The following HEMK2 variants were observed in gnomAD, a reference collection of about 807,000 sequenced individuals.
HEMK2 encodes methyltransferase HEMK2.
the HEMK2 span, among the ~76,000 whole-genome samples, chr21:28,811,207 T>C: frequency 2.3e-5 from 3 of 132,354 alleles, no homozygotes; most frequent in Non-Finnish European, 4.7e-5. Context: ...TGAGATCTCA[T>C]CTCTAAAGAG....
chr21:28,864,542 G>A, the HEMK2 span, among the ~76,000 whole-genome samples: 2 of 152,114 alleles, frequency 1.3e-5, no homozygotes, highest in Non-Finnish European at 2.9e-5. Flanking sequence ...TATGATAATA[G>A]CTCCTATTTC....
the HEMK2 span, among the ~76,000 whole-genome samples, chr21:28,778,843 A>G: frequency 6.6e-6 from 1 of 152,110 alleles, no homozygotes; most frequent in Non-Finnish European, 1.5e-5. Context: ...CCTTTGCTGG[A>G]TATGTGGTTT....
At chr21:28,871,647 G>T in the HEMK2 span, among the ~76,000 whole-genome samples, 1 of 152,026 alleles carries the variant, frequency 6.6e-6, no homozygotes, top group African/African-American at 2.4e-5. Flanking sequence ...ACTGTTTGTT[G>T]TAAAACAAAC....
At chr21:28,787,656 T>G in the HEMK2 span, among the ~76,000 whole-genome samples, 2 of 152,140 alleles carry the variant, frequency 1.3e-5, no homozygotes, top group African/African-American at 4.8e-5. Flanking sequence ...AATCACAATG[T>G]GATACCACCT....
chr21:28,868,012 A>T, the HEMK2 span, among the ~76,000 whole-genome samples: 1 of 152,210 alleles, frequency 6.6e-6, no homozygotes, highest in Admixed American at 6.5e-5. Flanking sequence ...CTTTGTGTAT[A>T]ATCACTTATA....
At chr21:28,743,539 G>A in the HEMK2 span, among the ~76,000 whole-genome samples, 4 of 151,288 alleles carry the variant, frequency 2.6e-5, no homozygotes, top group East Asian at 1.9e-4. Context: ...ACAAGTCATT[G>A]GGATGCAGAA....
the HEMK2 span, among the ~76,000 whole-genome samples, chr21:28,746,712 T>C: frequency 6.7e-6 from 1 of 150,236 alleles, no homozygotes; most frequent in Admixed American, 6.6e-5. Flanking sequence ...ATGGAGAACA[T>C]TCCAGAAAGA....
At chr21:28,815,985 G>A in the HEMK2 span, among the ~76,000 whole-genome samples, 1 of 152,104 alleles carries the variant, frequency 6.6e-6, no homozygotes, top group Non-Finnish European at 1.5e-5. Context: ...TGTTAGTGTG[G>A]GCTGTAACAC....
At chr21:28,664,556 C>T in the HEMK2 span, among the ~76,000 whole-genome samples, 1 of 152,078 alleles carries the variant, frequency 6.6e-6, no homozygotes, top group African/African-American at 2.4e-5. Context: ...AGGGATAGTG[C>T]AGAGTATTGA....
At chr21:28,754,791 T>G in the HEMK2 span, among the ~76,000 whole-genome samples, 1 of 152,232 alleles carries the variant, frequency 6.6e-6, no homozygotes, top group Non-Finnish European at 1.5e-5. Context: ...TAACAGGGAC[T>G]ATAAGGTCAA....
chr21:28,720,344 A>G, the HEMK2 span, among the ~76,000 whole-genome samples: 1 of 152,250 alleles, frequency 6.6e-6, no homozygotes, highest in African/African-American at 2.4e-5. Flanking sequence ...ACTTTATAGA[A>G]GACAATTACT....
At chr21:28,775,545 A>G in the HEMK2 span, among the ~76,000 whole-genome samples, 1 of 152,212 alleles carries the variant, frequency 6.6e-6, no homozygotes, top group Admixed American at 6.5e-5. Flanking sequence ...TGATAGAAAG[A>G]ATGTAAAGGA....
chr21:28,705,206 A>AT, the HEMK2 span, among the ~76,000 whole-genome samples: 2 of 152,106 alleles, frequency 1.3e-5, no homozygotes, highest in Non-Finnish European at 1.5e-5. Context: ...ATTAACAAAT[A>AT]TTTTTTAACA....
the HEMK2 span, chr21:28,878,130 T>C: frequency 7.2e-7 from 1 of 1,394,938 alleles, no homozygotes; most frequent in East Asian, 2.6e-5. Context: ...TAAAGCATTT[T>C]ACATTATTAA....
chr21:28,871,214 G>C, the HEMK2 span, among the ~76,000 whole-genome samples: 1 of 152,158 alleles, frequency 6.6e-6, no homozygotes, highest in Non-Finnish European at 1.5e-5. Context: ...AGAATTACCT[G>C]AGACTGGGTA....
chr21:28,813,361 A>C, the HEMK2 span, among the ~76,000 whole-genome samples: 1 of 126,858 alleles, frequency 7.9e-6, no homozygotes, highest in African/African-American at 2.5e-5. Flanking sequence ...AATTGCTACA[A>C]AGAGAATAAA....
the HEMK2 span, among the ~76,000 whole-genome samples, chr21:28,773,538 T>C: frequency 6.6e-6 from 1 of 152,304 alleles, no homozygotes; most frequent in African/African-American, 2.4e-5. Context: ...AATATTGACC[T>C]AGAATGTGAC....
At chr21:28,665,679 G>A in the HEMK2 span, among the ~76,000 whole-genome samples, 118 of 151,212 alleles carry the variant, frequency 7.8e-4, no homozygotes, top group Non-Finnish European at 1.5e-3. Context: ...TCGGTGTGGC[G>A]ATTCCTCAGG....
the HEMK2 span, among the ~76,000 whole-genome samples, chr21:28,877,301 A>AAGGAAGG: frequency 1.4e-3 from 78 of 55,150 alleles, no homozygotes; most frequent in African/African-American, 3.3e-3. Flanking sequence ...AGGAAGGAAG[A>AAGGAAGG]GAGAGAGAAA....
Sources: gnomAD v4.1 joint callset for allele counts (sites outside exome capture counted in the v4.1 genomes callset) on GRCh38, gnomAD v4.1.1 for gene constraint, MANE v1.5 for transcripts, NCBI Gene and HGNC (gene_info 2026-07-23, HGNC 2026-07-21) for gene names.